Variants in SYT1 observed in about 807,000 individuals in gnomAD.
The protein encoded by SYT1 is synaptotagmin 1.
In SYT1, 8 loss-of-function variants were observed where a neutral mutation model predicts 44.8. That is an observed-to-expected ratio of 0.18 (90% confidence interval 0.10 to 0.32). The LOEUF is 0.32. SYT1 is among the 10% of genes least tolerant of loss of function. SYT1 has a pLI of 1.00. For synonymous variants in SYT1, 154 were observed against 188.8 expected (o/e 0.82, Z 1.51); for missense variants, 286 against 509.3 (o/e 0.56, Z 4.22).
chr12:79,253,518 TC>T (rs774040923), intron 4 of SYT1, among the ~76,000 whole-genome samples: 5,978 of 150,122 alleles, frequency 0.04, 134 homozygotes, highest in Non-Finnish European at 0.047. Flanking sequence ...TCTCTCTCTC[TC>T]TCTCTCACCT....
chr12:78,923,319 T>C (rs936613405), intron 1 of SYT1, among the ~76,000 whole-genome samples: 2 of 151,942 alleles, frequency 1.3e-5, no homozygotes, highest in Non-Finnish European at 2.9e-5. Flanking sequence ...GCAGTTTAAG[T>C]TCTATATCAA....
intron 1 of SYT1, among the ~76,000 whole-genome samples, chr12:78,875,919 T>C (rs1403139065): frequency 1.3e-5 from 2 of 151,670 alleles, no homozygotes; most frequent in Admixed American, 6.6e-5. Context: ...TTCCGTTTCT[T>C]AAATCTTAAT....
At chr12:79,163,657 G>T (rs1008827609) in intron 3 of SYT1, among the ~76,000 whole-genome samples, 1 of 151,986 alleles carries the variant, frequency 6.6e-6, no homozygotes, top group East Asian at 1.9e-4. Flanking sequence ...TGCCGTTCTC[G>T]TTCCTCTGCA....
At chr12:79,384,040 T>A (rs757158697) in intron 9 of SYT1, among the ~76,000 whole-genome samples, 7 of 152,182 alleles carry the variant, frequency 4.6e-5, no homozygotes, top group South Asian at 2.1e-4. Context: ...AACTTAATAT[T>A]GAGAGTAGGC....
At chr12:78,874,274 C>T (rs1021835269) in intron 1 of SYT1, among the ~76,000 whole-genome samples, 1 of 151,520 alleles carries the variant, frequency 6.6e-6, no homozygotes, top group Non-Finnish European at 1.5e-5. Context: ...AGAGCCAATA[C>T]TCAATCATAG....
At position 79,200,271 on chromosome 12, in the gene SYT1, G is replaced by A. The variant is rs141052313; in HGVS notation, c.-17-17232G>A. On this transcript the variant is annotated intron_variant, in intron 3 of 10. Coordinates refer to ENST00000261205, the MANE Select transcript of SYT1 (RefSeq NM_005639.3). ...CAGAAGTGCTTGGAAGAAATGTGCT[G>A]CAGAGAGAGGAGCCATTTTCCCCAG... is the stretch of plus-strand genomic sequence containing the variant. Among the ~76,000 whole-genome samples the A allele has an allele frequency of 3.1e-3, 472 of 152,264 alleles. 2 individuals are homozygous for A. Among genetic ancestry groups the A allele is most frequent in the African/African-American group, 0.01 (422 of 41,566 alleles).
intron 4 of SYT1, among the ~76,000 whole-genome samples, chr12:79,250,566 C>T (rs1877140449): frequency 6.6e-6 from 1 of 152,088 alleles, no homozygotes; most frequent in South Asian, 2.1e-4. Context: ...ACTGCAGCAA[C>T]AATAAAAATC....
intron 4 of SYT1, among the ~76,000 whole-genome samples, chr12:79,231,392 CT>C (rs1300151366): frequency 6.6e-6 from 1 of 152,092 alleles, no homozygotes; most frequent in Non-Finnish European, 1.5e-5. Context: ...CTAAGCAACA[CT>C]TTCATTGACA....
At chr12:78,997,543 C>T (rs1196545342) in intron 2 of SYT1, among the ~76,000 whole-genome samples, 1 of 152,084 alleles carries the variant, frequency 6.6e-6, no homozygotes, top group African/African-American at 2.4e-5. Flanking sequence ...AGTTTCTTTT[C>T]TCTTGAGTTT....
chr12:79,090,018 T>G (rs960746644), intron 3 of SYT1, among the ~76,000 whole-genome samples: 1 of 152,100 alleles, frequency 6.6e-6, no homozygotes, highest in Non-Finnish European at 1.5e-5. Context: ...GCTTGTTTTG[T>G]GTGGGCTAAC....
intron 8 of SYT1, among the ~76,000 whole-genome samples, chr12:79,326,823 A>G (rs889979193): frequency 6.6e-6 from 1 of 152,216 alleles, no homozygotes; most frequent in Admixed American, 6.5e-5. Context: ...TCCTGCAAAT[A>G]GAACAAATAA....
intron 8 of SYT1, among the ~76,000 whole-genome samples, chr12:79,342,325 G>A (rs887227733): frequency 7.2e-5 from 11 of 151,850 alleles, no homozygotes; most frequent in East Asian, 5.8e-4. Context: ...TCAAACTCTC[G>A]GGCTCAACTG....
intron 1 of SYT1, among the ~76,000 whole-genome samples, chr12:78,890,261 C>T (rs1407746685): frequency 1.3e-5 from 2 of 151,826 alleles, no homozygotes; most frequent in Non-Finnish European, 2.9e-5. Flanking sequence ...TTGTCTCTGA[C>T]TCACATCATC....
At chr12:79,125,412 A>T (rs1192723648) in intron 3 of SYT1, among the ~76,000 whole-genome samples, 1 of 148,508 alleles carries the variant, frequency 6.7e-6, no homozygotes. Flanking sequence ...GGAGTTCAAG[A>T]CCAGCCTGGG....
intron 9 of SYT1, among the ~76,000 whole-genome samples, chr12:79,435,574 T>C (rs1215453832): frequency 6.6e-6 from 1 of 152,180 alleles, no homozygotes; most frequent in Non-Finnish European, 1.5e-5. Flanking sequence ...GGACCCAGGA[T>C]CTTCCTATCT....
At chr12:79,363,734 C>CAA (rs5799428) in intron 9 of SYT1, among the ~76,000 whole-genome samples, 1 of 137,460 alleles carries the variant, frequency 7.3e-6, no homozygotes, top group Non-Finnish European at 1.6e-5. Context: ...GTCCCTGTCT[C>CAA]AAAAAAAAAA....
intron 3 of SYT1, among the ~76,000 whole-genome samples, chr12:79,127,311 C>CAAAT (rs530370650): frequency 1.5e-4 from 23 of 152,252 alleles, no homozygotes; most frequent in Non-Finnish European, 3.2e-4. Flanking sequence ...GGCTTTCTGG[C>CAAAT]AAATGCCTGA....
chr12:79,135,682 G>A (rs369568986), intron 3 of SYT1, among the ~76,000 whole-genome samples: 4 of 152,138 alleles, frequency 2.6e-5, no homozygotes, highest in African/African-American at 9.7e-5. Context: ...ATGGTTTACA[G>A]GAGCATCTTG....
intron 1 of SYT1, among the ~76,000 whole-genome samples, chr12:78,973,756 G>A (rs1023156723): frequency 1.3e-5 from 2 of 150,300 alleles, no homozygotes; most frequent in Admixed American, 1.3e-4. Flanking sequence ...TCAAAATAAT[G>A]CGTTTGTTTA....
Sources: gnomAD v4.1 joint callset for allele counts (sites outside exome capture counted in the v4.1 genomes callset) on GRCh38, gnomAD v4.1.1 for gene constraint, MANE v1.5 for transcripts, NCBI Gene and HGNC (gene_info 2026-07-23, HGNC 2026-07-21) for gene names.